The following INPPL1 variants were observed in gnomAD, a reference collection of about 807,000 sequenced individuals.
INPPL1 encodes the protein inositol polyphosphate phosphatase like 1, also known as phosphatidylinositol 3,4,5-trisphosphate 5-phosphatase 2.
INPPL1 carries 91 observed loss-of-function variants against 139.3 expected under a neutral mutation model. That is an observed-to-expected ratio of 0.65 (90% CI 0.55 to 0.78). The LOEUF (loss-of-function observed/expected upper bound fraction) is 0.78, where lower values mean the gene tolerates loss of function less well. Ranked by LOEUF, INPPL1 falls within the 30% of genes least tolerant of loss-of-function variation. The pLI is 0.00. For synonymous variants in INPPL1, 719 were observed against 686.6 expected, an observed-to-expected ratio of 1.05 and a Z score of -0.74; for missense variants, 1,411 against 1,665.6, an observed-to-expected ratio of 0.85 and a Z score of 2.66.
Position 72,232,676 on chromosome 11 carries a change from G to T in INPPL1, c.1763G>T (p.Arg588Leu). The stretch of plus-strand genomic sequence containing the variant: ...CTGCGGCTGCTCTCGCTGGGCGACC[G>T]GCAGCTCAATGCCTTTGACATCTCT... ...DILRLLSLGD[R>L]QLNAFDISLR... The change falls in exon 15 of 28, where the codon CGG (arginine) becomes CTG (leucine). Residue 588 changes from arginine to leucine, a missense_variant. Coordinates refer to ENST00000298229, the MANE Select transcript of INPPL1 (RefSeq NM_001567.4). 1 of 1,613,678 alleles carries T rather than the reference G, an allele frequency of 6.2e-7. No individual in the cohort carries two copies. The highest frequency in any genetic ancestry group is 1.1e-5 in the South Asian group (1 of 91,026).
At chr11:72,230,538 G>T in intron 10 of INPPL1, 70 bp downstream of exon 10, 1 of 1,396,472 alleles carries the variant, frequency 7.2e-7, no homozygotes, top group Non-Finnish European at 1.0e-6. Flanking sequence ...CCCATTGGAG[G>T]GTAAGAAAGG....
At position 72,235,404 on chromosome 11, in the gene INPPL1, A is replaced by T. The variant is rs1268624438; in HGVS notation, c.2612A>T (p.Lys871Met). The change falls in exon 23 of 28, where the codon AAG becomes ATG. Residue 871 changes from lysine (K) to methionine (M), a missense_variant. By Grantham distance (95) the Lys-to-Met change is moderately conservative. Transcript: ENST00000298229. This position sits in a 1 kb window ranked among gnomAD's most constrained non-coding sequence, Gnocchi z 4.9. ...ACAGGCAATATCAGAGGCTCCATGA[A>T]GGTGCGGGTGCCCACGGAGCGCCTG... ...EETGNIRGSM[K>M]VRVPTERLGT... 2 of 1,613,722 alleles carry T rather than the reference A, an allele frequency of 1.2e-6. No homozygotes were observed. The highest frequency in any genetic ancestry group is 3.3e-5 in the Admixed American group (2 of 60,000).
Position 72,238,110 on chromosome 11 carries a change from C to G in INPPL1, c.3621C>G (p.Ala1207=). The change falls in exon 27 of 28, where the codon GCC becomes GCG. Residue 1207 remains alanine (A), a synonymous_variant. Coordinates refer to ENST00000298229, the MANE Select transcript of INPPL1 (RefSeq NM_001567.4). ...CAGGCATGAGTGCCTGGCTGCGGGC[C>G]ATCGGCTTGGAGCGCTATGAGGAGG... ...GEAGMSAWLR[A]IGLERYEEGL... 1.3e-6 allele frequency: 2 copies of G among 1,579,942 alleles called. No homozygotes were observed. Among genetic ancestry groups the G allele is most frequent in the Non-Finnish European group, 1.7e-6 (2 of 1,162,982 alleles).
In INPPL1 at chr11:72,237,357, GTTC is replaced by G. The variant is rs1949016810; in HGVS notation, c.3117_3119del (p.Ser1040del). The G allele has an allele frequency of 1.9e-5, 30 of 1,614,000 alleles. No individual in the cohort carries two copies. The highest frequency in any genetic ancestry group is 2.5e-5 in the Non-Finnish European group (30 of 1,180,024). On this transcript the variant is annotated inframe_deletion, in exon 26 of 28. Transcript: ENST00000298229. ...CGGCACCCTCGTGTGGGAGAGGGGA[GTTC>G]TTCAGATGAGGAGTCTGGAGGCACA...
At chr11:72,226,510 A>G (rs866082111) in intron 1 of INPPL1, among the ~76,000 whole-genome samples, 1 of 152,066 alleles carries the variant, frequency 6.6e-6, no homozygotes, top group Admixed American at 6.6e-5. Context: ...CACAACTGGG[A>G]TGGTGCTATT....
chr11:72,227,034 G>A (rs1021102651), intron 1 of INPPL1, among the ~76,000 whole-genome samples: 6 of 152,082 alleles, frequency 3.9e-5, no homozygotes, highest in South Asian at 4.1e-4. Context: ...AGACGTGGGC[G>A]ATCAGACGTG....
In INPPL1 at chr11:72,238,186, G is replaced by GGCTGGCCCCGGGGGCGGA. The variant is rs752199179; in HGVS notation, c.3686+17_3686+34dup. On this transcript the variant is annotated intron_variant, in intron 27 of 27. Transcript: ENST00000298229. ...CCTGGAGTTTCTCAGGTGGGGGAGG[G>GGCTGGCCCCGGGGGCGGA]GCTGGCCCCGGGGGCGGAGCTGGGG... The GGCTGGCCCCGGGGGCGGA allele has an allele frequency of 1.2e-5, 20 of 1,609,750 alleles. No homozygotes were observed. The highest frequency in any genetic ancestry group is 1.7e-5 in the Non-Finnish European group (20 of 1,177,932).
chr11:72,232,837 C>G (rs778975324), intron 15 of INPPL1, 38 bp from the exon 16 acceptor site: 3 of 1,613,436 alleles, frequency 1.9e-6, no homozygotes, highest in Non-Finnish European at 2.5e-6. Flanking sequence ...GCTCTGGCTC[C>G]GGAGGAATGT....
rs370029165 is a variant in INPPL1 at position 72,229,995 on chromosome 11, G to C, written c.915G>C (p.Lys305Asn). 237 of 1,614,110 alleles carry C rather than the reference G, an allele frequency of 1.5e-4. No individual in the cohort carries two copies. Among genetic ancestry groups the C allele is most frequent in the Non-Finnish European group, 1.8e-4 (216 of 1,180,052 alleles). Residue 305 changes from lysine (K) to asparagine (N), a missense_variant, in exon 8 of 28, where the codon AAG becomes AAC. By Grantham distance (94) the Lys-to-Asn change is moderately conservative. This residue lies in a region of INPPL1 where 504 missense variants were observed against 595.6 expected (regional missense o/e 0.85). Transcript: ENST00000298229. The part of the protein sequence containing the change: ...PAPQPSTRKA[K>N]TIPVQAFEVK... ...CGCAGCCATCCACACGTAAGGCCAAGACCATCCCCGTGCAGGCCTTTGAGG... is the reference window on the plus strand; with the variant it reads ...CGCAGCCATCCACACGTAAGGCCAACACCATCCCCGTGCAGGCCTTTGAGG...
At chr11:72,225,836 A>G (rs1255748458) in intron 1 of INPPL1, among the ~76,000 whole-genome samples, 1 of 152,198 alleles carries the variant, frequency 6.6e-6, no homozygotes, top group African/African-American at 2.4e-5. Flanking sequence ...GAGCAGAGCC[A>G]GACTTGGTGC....
intron 1 of INPPL1, chr11:72,227,775 C>G (rs1948714248): frequency 3.8e-6 from 1 of 263,476 alleles, no homozygotes; most frequent in Non-Finnish European, 7.5e-6. Context: ...AGGAGGCATA[C>G]ACACGTGTTA....
At chr11:72,226,980 ACT>A (rs1426666618) in intron 1 of INPPL1, among the ~76,000 whole-genome samples, 2 of 151,500 alleles carry the variant, frequency 1.3e-5, no homozygotes, top group Admixed American at 6.6e-5. Context: ...TTGCCAGCTG[ACT>A]CTGGCTCTTC....
chr11:72,227,352 G>A (rs192071802), intron 1 of INPPL1, among the ~76,000 whole-genome samples: 34 of 152,290 alleles, frequency 2.2e-4, no homozygotes, highest in African/African-American at 4.1e-4. Context: ...GGTACCCAGC[G>A]TGTCACAGAT....
chr11:72,236,739 CTG>C (rs1435363563), intron 25 of INPPL1, among the ~76,000 whole-genome samples: 1 of 152,226 alleles, frequency 6.6e-6, no homozygotes, highest in Non-Finnish European at 1.5e-5. Context: ...ACCTGAATCT[CTG>C]AGAAAGATTC....
chr11:72,237,017 A>G, intron 25 of INPPL1, 107 bp from the exon 26 acceptor site: 1 of 959,676 alleles, frequency 1.0e-6, no homozygotes, highest in Non-Finnish European at 1.6e-6. Context: ...GAGAAAGTCT[A>G]GGACCAGGGG....
chr11:72,237,451 G>C lies in INPPL1; in HGVS notation c.3207G>C (p.Leu1069=), dbSNP rs1212213464. 2 of 1,610,372 alleles carry C rather than the reference G, an allele frequency of 1.2e-6. No individual in the cohort carries two copies. The highest frequency in any genetic ancestry group is 1.7e-6 in the Non-Finnish European group (2 of 1,177,772). ...CAGCCATCTTCCTGCCCCCCAGCCT[G>C]GATCCTTTACCAGGGCCAGTGGTCC... ...PDSAIFLPPS[L]DPLPGPVVRG... The change falls in exon 26 of 28, where the codon CTG becomes CTC. Residue 1069 remains leucine, a synonymous_variant. Coordinates refer to ENST00000298229, the MANE Select transcript of INPPL1 (RefSeq NM_001567.4).
Position 72,225,312 on chromosome 11 carries a change from C to T in INPPL1, c.182+146C>T, listed in dbSNP as rs1057498969. The T allele has an allele frequency of 3.3e-6, 4 of 1,222,836 alleles. No individual in the cohort carries two copies. The African/African-American group carries it at 4.7e-5, about 14-fold the overall frequency. The allele number at this position is 1,222,836 out of a possible 1,614,324, so 75.7% of individuals were successfully genotyped here. On this transcript the variant is annotated intron_variant, in intron 1 of 27. Coordinates refer to ENST00000298229, the MANE Select transcript of INPPL1 (RefSeq NM_001567.4). ...CCCAGAGTGGGAGCCTTGGCTTTCTCCTGGGTCTGAGGAGGGACGCAGGGG... is the reference window on the plus strand; with the variant it reads ...CCCAGAGTGGGAGCCTTGGCTTTCTTCTGGGTCTGAGGAGGGACGCAGGGG...
rs779425282 is a variant in INPPL1, at chr11:72,235,726, CTG to C, written c.2715_2716del (p.Ser906ProfsTer27). 6.2e-7 allele frequency: 1 copy of C among 1,614,134 alleles called. No individual in the cohort carries two copies. The highest frequency in any genetic ancestry group is 1.1e-5 in the South Asian group (1 of 91,074). ...GCAGGAGCAAAGAGCAAAGCCCCCTCTGTGTCCCGAGGGAGCCAGGAGCCCAG... is the reference window on the plus strand; with the variant it reads ...GCAGGAGCAAAGAGCAAAGCCCCCTCTGTCCCGAGGGAGCCAGGAGCCCAG... On this transcript the variant is annotated frameshift_variant, in exon 24 of 28. Coordinates refer to ENST00000298229, the MANE Select transcript of INPPL1 (RefSeq NM_001567.4). LOFTEE classifies it high-confidence loss of function. The surrounding 1 kb of genome is among the most constrained non-coding windows in gnomAD (Gnocchi z 4.9).
chr11:72,237,062 C>CT (rs2135445926), intron 25 of INPPL1, 62 bp from the exon 26 acceptor site: 1 of 1,451,720 alleles, frequency 6.9e-7, no homozygotes, highest in Non-Finnish European at 9.3e-7. Flanking sequence ...CCTTCCACTG[C>CT]TTCCACTGCC....
Sources: gnomAD v4.1 joint callset for allele counts (sites outside exome capture counted in the v4.1 genomes callset) on GRCh38, gnomAD v4.1.1 for gene constraint, gnomAD v4.1.1 regional missense constraint, Gnocchi (gnomAD v3.1) non-coding constraint, MANE v1.5 for transcripts, NCBI Gene and HGNC (gene_info 2026-07-23, HGNC 2026-07-21) for gene names.